The following ASAP3 variants were observed in gnomAD, a reference collection of about 807,000 sequenced individuals.
The protein encoded by ASAP3 is ArfGAP with SH3 domain, ankyrin repeat and PH domain 3.
ASAP3 carries 85 observed loss-of-function variants against 118.2 expected under a neutral mutation model. The ratio of observed to expected loss-of-function variants is 0.72; its 90% CI spans 0.60 to 0.86. The LOEUF (loss-of-function observed/expected upper bound fraction) is 0.86, where lower values mean the gene tolerates loss of function less well. Among genes scored for constraint, ASAP3 ranks in the 40% least tolerant of loss-of-function variants. ASAP3 has a pLI of 0.00. For synonymous variants in ASAP3, 432 were observed against 477.4 expected, an observed-to-expected ratio of 0.90 and a Z score of 1.24; for missense variants, 1,026 against 1,175.0, an observed-to-expected ratio of 0.87 and a Z score of 1.85.
intron 1 of ASAP3, among the ~76,000 whole-genome samples, chr1:23,458,670 A>G (rs770326786): frequency 3.3e-5 from 5 of 152,102 alleles, no homozygotes; most frequent in Non-Finnish European, 7.4e-5. Flanking sequence ...TGGAGGGGAG[A>G]ACGTTTCTTT....
At position 23,437,114 on chromosome 1, in the gene ASAP3, G is replaced by A. The variant is rs771223043; in HGVS notation, c.1342+16C>T. ...TCCACTTAAGCCTCCCTCCTGCCCCGGCCCCGGGGACCGACCTGCAGCCCC... is the reference window on the plus strand; with the variant it reads ...TCCACTTAAGCCTCCCTCCTGCCCCAGCCCCGGGGACCGACCTGCAGCCCC... On this transcript the variant is annotated intron_variant, in intron 14 of 24. Transcript: ENST00000336689. The surrounding 1 kb of genome is among the most constrained non-coding windows in gnomAD (Gnocchi z 6.1). 3 of 1,601,058 alleles carry A rather than the reference G, an allele frequency of 1.9e-6. No homozygotes were observed. The highest frequency in any genetic ancestry group is 1.7e-5 in the Admixed American group (1 of 58,790).
At position 23,436,360 on chromosome 1, in the gene ASAP3, G is replaced by C. The variant is rs1236932838; in HGVS notation, c.1571+200C>G. Among the ~76,000 whole-genome samples the C allele has an allele frequency of 1.3e-5, 2 of 152,128 alleles. No individual in the cohort carries two copies. The highest frequency in any genetic ancestry group is 2.9e-5 in the Non-Finnish European group (2 of 68,016). ...GTATTTTGAGTACAGGCGGGGTTTT[G>C]CCATCTTAGCCGGGCTGGTCTCAAA... On this transcript the variant is annotated intron_variant, in intron 16 of 24. Coordinates refer to ENST00000336689, the MANE Select transcript of ASAP3 (RefSeq NM_017707.4). The surrounding 1 kb of genome is among the most constrained non-coding windows in gnomAD (Gnocchi z 4.2).
rs767233249 is a variant in ASAP3 at position 23,437,330 on chromosome 1, T to G, written c.1152-10A>C. The G allele has an allele frequency of 2.5e-6, 4 of 1,608,872 alleles. 1 individual carries two copies. Among genetic ancestry groups the G allele is most frequent in the East Asian group, 2.2e-5 (1 of 44,730 alleles). On this transcript the variant is annotated splice_polypyrimidine_tract_variant and intron_variant, in intron 13 of 24. Coordinates refer to ENST00000336689, the MANE Select transcript of ASAP3 (RefSeq NM_017707.4). This position sits in a 1 kb window ranked among gnomAD's most constrained non-coding sequence, Gnocchi z 6.1. ...CAACACTGACACCCACCTGCGGAGATTGAACGGGGTGGGATGGGGATGTCA... is the reference window on the plus strand; with the variant it reads ...CAACACTGACACCCACCTGCGGAGAGTGAACGGGGTGGGATGGGGATGTCA...
chr1:23,479,029 G>C (rs1341084194), intron 1 of ASAP3, among the ~76,000 whole-genome samples: 2 of 152,064 alleles, frequency 1.3e-5, no homozygotes, highest in Non-Finnish European at 2.9e-5. Context: ...TTACCCTGCC[G>C]GTCACTTTCC....
chr1:23,478,755 G>C (rs146100758), intron 1 of ASAP3, among the ~76,000 whole-genome samples: 1 of 151,330 alleles, frequency 6.6e-6, no homozygotes, highest in Non-Finnish European at 1.5e-5. Flanking sequence ...GTGAGACTCT[G>C]TCTCAAAAAA....
In ASAP3 at chr1:23,459,170, C is replaced by CAAAA. The variant is rs59149141; in HGVS notation, c.130-2980_130-2977dup. Among the ~76,000 whole-genome samples, 23 of 68,204 alleles carry CAAAA rather than the reference C, an allele frequency of 3.4e-4. No homozygotes were observed. In the South Asian group the frequency reaches 3.9e-3, roughly 12 times the overall value. The allele number at this position is 68,204 out of a possible 152,430, so 44.7% of individuals were successfully genotyped here. On this transcript the variant is annotated intron_variant, in intron 1 of 24. Transcript: ENST00000336689. ...GCACAATGGGAGCGAGACTCCATCTCAAAAAAAAAAAAAAAAAAAAAAGAT... is the reference window on the plus strand; with the variant it reads ...GCACAATGGGAGCGAGACTCCATCTCAAAAAAAAAAAAAAAAAAAAAAAAAAGAT...
Position 23,429,670 on chromosome 1 carries a change from G to A in ASAP3, c.*186C>T. On this transcript the variant is annotated 3_prime_UTR_variant, in exon 25 of 25. Coordinates refer to ENST00000336689, the MANE Select transcript of ASAP3 (RefSeq NM_017707.4). ...GAAAGAACCGCCATCAGTCCTAACA[G>A]GGAAAGGCCATGTGTCCTTGGTAGA... 3 of 573,832 alleles carry A rather than the reference G, an allele frequency of 5.2e-6. 1 individual carries two copies. The highest frequency in any genetic ancestry group is 4.5e-5 in the South Asian group (2 of 44,124). 35.5% of individuals were successfully genotyped at this position (573,832 alleles called of 1,614,324 possible).
intron 5 of ASAP3, among the ~76,000 whole-genome samples, chr1:23,444,403 GGCTT>G (rs1462672365): frequency 2.6e-5 from 4 of 152,218 alleles, no homozygotes; most frequent in Admixed American, 6.5e-5. Flanking sequence ...TAAAGGAAAG[GGCTT>G]GCTTAATAGT....
intron 1 of ASAP3, among the ~76,000 whole-genome samples, chr1:23,469,238 C>G (rs1641885689): frequency 6.6e-6 from 1 of 151,852 alleles, no homozygotes; most frequent in African/African-American, 2.4e-5. Context: ...CCCAGGAGTC[C>G]AAGGCTGCAG....
In ASAP3 at chr1:23,437,099, C is replaced by A; in HGVS notation, c.1342+31G>T. The A allele has an allele frequency of 6.2e-7, 1 of 1,600,728 alleles. No homozygotes were observed. The highest frequency in any genetic ancestry group is 8.5e-7 in the Non-Finnish European group (1 of 1,173,238). Reference sequence around the variant, plus strand: ...GTGCAGCCCCTCCCCTCCACTTAAGCCTCCCTCCTGCCCCGGCCCCGGGGA... The same window carrying A: ...GTGCAGCCCCTCCCCTCCACTTAAGACTCCCTCCTGCCCCGGCCCCGGGGA... On this transcript the variant is annotated intron_variant, in intron 14 of 24. Transcript: ENST00000336689. The surrounding 1 kb of genome is among the most constrained non-coding windows in gnomAD (Gnocchi z 6.1).
At chr1:23,479,947 G>A (rs886927367) in intron 1 of ASAP3, 2 of 152,148 alleles carry the variant, frequency 1.3e-5, no homozygotes, top group Non-Finnish European at 2.9e-5. Context: ...GGCTGAGGTG[G>A]GCAGATCACT....
At chr1:23,434,740 G>GCTGCC in intron 17 of ASAP3, 122 bp from the exon 18 acceptor site, 1 of 872,224 alleles carries the variant, frequency 1.1e-6, no homozygotes, top group Non-Finnish European at 1.8e-6. Context: ...GAACCCTGGA[G>GCTGCC]AGATGAGACT....
In ASAP3 at chr1:23,436,025, G is replaced by A. The variant is rs746282872; in HGVS notation, c.1575C>T (p.Gly525=). The change falls in exon 17 of 25, where the codon GGC becomes GGT. Residue 525 remains glycine (G), a synonymous_variant. Transcript: ENST00000336689. This position sits in a 1 kb window ranked among gnomAD's most constrained non-coding sequence, Gnocchi z 4.2. ...GPKPSAESDM[G]TRRDYIMAKY... The stretch of plus-strand genomic sequence containing the variant: ...TGGCCATAATGTAGTCCCTGCGGGT[G>A]CCCCTACCAAAAACAACCACAGGAT... The A allele has an allele frequency of 1.9e-6, 3 of 1,614,010 alleles. No homozygotes were observed. Among genetic ancestry groups the A allele is most frequent in the Non-Finnish European group, 2.5e-6 (3 of 1,179,858 alleles).
chr1:23,478,285 CA>C (rs1356101024), intron 1 of ASAP3, among the ~76,000 whole-genome samples: 1 of 151,994 alleles, frequency 6.6e-6, no homozygotes, highest in African/African-American at 2.4e-5. Flanking sequence ...GCCAACATGG[CA>C]AAACCCCATC....
intron 19 of ASAP3, 115 bp downstream of exon 19, chr1:23,434,139 C>A: frequency 1.0e-6 from 1 of 988,994 alleles, no homozygotes; most frequent in Non-Finnish European, 1.6e-6. Flanking sequence ...TGACAAACCC[C>A]TAAGATCACA....
Position 23,434,631 on chromosome 1 carries a change from C to A in ASAP3, c.1750-13G>T. ...GTTCTTCAGGTGCCTGAAAACACAT[C>A]CACACCTCTGAGATTCCCCCCCCAG... is the stretch of plus-strand genomic sequence containing the variant. On this transcript the variant is annotated splice_polypyrimidine_tract_variant and intron_variant, in intron 17 of 24. Coordinates refer to ENST00000336689, the MANE Select transcript of ASAP3 (RefSeq NM_017707.4). 1 of 1,611,894 alleles carries A rather than the reference C, an allele frequency of 6.2e-7. No individual in the cohort carries two copies. The highest frequency in any genetic ancestry group is 8.5e-7 in the Non-Finnish European group (1 of 1,179,600).
intron 1 of ASAP3, among the ~76,000 whole-genome samples, chr1:23,466,150 T>C (rs1023564262): frequency 2.0e-5 from 3 of 152,186 alleles, no homozygotes; most frequent in African/African-American, 7.2e-5. Flanking sequence ...AGGTGGAAGT[T>C]AGGGAGGCAG....
chr1:23,483,879 G>T, intron 1 of ASAP3, 126 bp downstream of exon 1: 2 of 1,036,306 alleles, frequency 1.9e-6, no homozygotes, highest in Non-Finnish European at 2.5e-6. Flanking sequence ...GGTCCTCCCA[G>T]ACCTAGGGAG....
intron 5 of ASAP3, among the ~76,000 whole-genome samples, chr1:23,450,822 G>A (rs1427839115): frequency 2.0e-5 from 3 of 152,174 alleles, no homozygotes; most frequent in Non-Finnish European, 4.4e-5. Context: ...CTGGGCAGAG[G>A]GCAAAGGCTG....
Sources: allele counts gnomAD v4.1 joint callset (sites outside exome capture counted in the v4.1 genomes callset), GRCh38; gene constraint gnomAD v4.1.1; non-coding constraint Gnocchi (gnomAD v3.1); transcripts MANE v1.5; gene names NCBI Gene and HGNC (gene_info 2026-07-23, HGNC 2026-07-21).